DAB1: variants seen among roughly 807,000 people sequenced by gnomAD.
DAB1 encodes DAB adaptor protein 1.
In DAB1, 15 loss-of-function variants were observed where a neutral mutation model predicts 64.6. The observed-to-expected ratio is 0.23, with a 90% CI of 0.16 to 0.36. DAB1 has a LOEUF of 0.36. DAB1 is among the 10% of genes least tolerant of loss of function. DAB1 has a pLI of 1.00. For missense variants in DAB1, 596 were observed against 706.7 expected, an observed-to-expected ratio of 0.84 and a Z score of 1.78; for synonymous variants, 235 against 251.9, an observed-to-expected ratio of 0.93 and a Z score of 0.64.
chr1:58,460,926 C>T (rs1260094616), intron 3 of DAB1, among the ~76,000 whole-genome samples: 1 of 152,194 alleles, frequency 6.6e-6, no homozygotes, highest in Admixed American at 6.5e-5. Flanking sequence ...CCATGACACT[C>T]TCACTCCATG....
intron 3 of DAB1, among the ~76,000 whole-genome samples, chr1:58,427,060 G>A (rs529141116): frequency 6.6e-6 from 1 of 152,324 alleles, no homozygotes; most frequent in East Asian, 1.9e-4. Flanking sequence ...GAGCGGTCAA[G>A]AAGCTAGAGG....
At chr1:57,201,916 T>A (rs1665135288) in intron 2 of DAB1, among the ~76,000 whole-genome samples, 1 of 152,128 alleles carries the variant, frequency 6.6e-6, no homozygotes, top group Admixed American at 6.5e-5. Flanking sequence ...GAATTTTAAA[T>A]TTCTATAGCA....
At chr1:57,292,056 A>G (rs754579384) in intron 1 of DAB1, among the ~76,000 whole-genome samples, 47 of 152,320 alleles carry the variant, frequency 3.1e-4, no homozygotes, top group Non-Finnish European at 6.0e-4. Context: ...AAAAGTAAAC[A>G]TTTCACCAAT....
At chr1:57,444,708 G>C (rs778393539) in intron 7 of DAB1, among the ~76,000 whole-genome samples, 1 of 152,142 alleles carries the variant, frequency 6.6e-6, no homozygotes, top group African/African-American at 2.4e-5. Context: ...GAGTCGTATG[G>C]CCACAAACCA....
At chr1:57,495,556 C>T (rs1307341570) in intron 7 of DAB1, among the ~76,000 whole-genome samples, 5 of 152,012 alleles carry the variant, frequency 3.3e-5, no homozygotes, top group Non-Finnish European at 5.9e-5. Flanking sequence ...CAAGTGTGTC[C>T]GTATAGGTAA....
intron 3 of DAB1, among the ~76,000 whole-genome samples, chr1:58,343,808 A>C (rs1284783063): frequency 2.0e-5 from 3 of 152,210 alleles, no homozygotes; most frequent in Non-Finnish European, 4.4e-5. Flanking sequence ...TAATGATATG[A>C]AATGCTTTGT....
intron 5 of DAB1, among the ~76,000 whole-genome samples, chr1:58,138,185 A>C (rs1389689277): frequency 6.6e-6 from 1 of 152,178 alleles, no homozygotes; most frequent in African/African-American, 2.4e-5. Context: ...GGTAGACATC[A>C]ATAACTTCTA....
chr1:58,302,068 T>C lies in DAB1; in HGVS notation n.309+41284A>G, dbSNP rs190980637. Among the ~76,000 whole-genome samples, 7 of 152,088 alleles carry C rather than the reference T, an allele frequency of 4.6e-5. No homozygotes were observed. The East Asian group carries it at 1.2e-3, about 25-fold the overall frequency. On this transcript the variant is annotated intron_variant and non_coding_transcript_variant, in intron 4 of 20. Transcript: ENST00000485760. The stretch of plus-strand genomic sequence containing the variant: ...GCTTAATGATAGAGAAATTGTGGGG[T>C]GAGAGATGGGATCAGGGAATTTGGC...
intron 4 of DAB1, among the ~76,000 whole-genome samples, chr1:58,277,310 G>T (rs576533245): frequency 1.3e-5 from 2 of 152,176 alleles, no homozygotes; most frequent in African/African-American, 4.8e-5. Flanking sequence ...AAAGTGCTGG[G>T]ATTACAGGCG....
chr1:57,438,944 A>G (rs539822641), intron 7 of DAB1, among the ~76,000 whole-genome samples: 1 of 152,240 alleles, frequency 6.6e-6, no homozygotes, highest in South Asian at 2.1e-4. Context: ...CATTTGGGGA[A>G]GTATGTGATT....
At chr1:58,330,285 A>G (rs1472865771) in intron 4 of DAB1, among the ~76,000 whole-genome samples, 6 of 152,232 alleles carry the variant, frequency 3.9e-5, no homozygotes, top group Non-Finnish European at 8.8e-5. Flanking sequence ...CTCTTCCTCA[A>G]TTCTATGAAG....
At chr1:57,637,895 G>A (rs560287876) in intron 7 of DAB1, among the ~76,000 whole-genome samples, 2 of 152,146 alleles carry the variant, frequency 1.3e-5, no homozygotes, top group Non-Finnish European at 2.9e-5. Context: ...ATGACTAAAT[G>A]AATTATAGTG....
At chr1:57,607,730 A>T (rs1570669975) in intron 7 of DAB1, among the ~76,000 whole-genome samples, 1 of 152,096 alleles carries the variant, frequency 6.6e-6, no homozygotes, top group East Asian at 1.9e-4. Context: ...TTCTCCCATG[A>T]TGTCATTAAA....
chr1:57,466,513 A>G (rs930513083), intron 7 of DAB1, among the ~76,000 whole-genome samples: 1 of 152,220 alleles, frequency 6.6e-6, no homozygotes, highest in Non-Finnish European at 1.5e-5. Flanking sequence ...ATAAATACGT[A>G]TTAGTTTTCA....
chr1:57,543,924 T>G (rs1193472285), intron 7 of DAB1, among the ~76,000 whole-genome samples: 2 of 151,718 alleles, frequency 1.3e-5, no homozygotes, highest in African/African-American at 2.4e-5. Flanking sequence ...CTGGGCAACA[T>G]AGCAAGACCC....
chr1:57,008,612 T>C (rs568152390), intron 14 of DAB1, among the ~76,000 whole-genome samples: 3 of 152,220 alleles, frequency 2.0e-5, no homozygotes, highest in Non-Finnish European at 2.9e-5. Context: ...TAGAGAATAA[T>C]TATAAAATCA....
chr1:57,064,902 T>C (rs1650750103), intron 8 of DAB1, among the ~76,000 whole-genome samples: 1 of 152,182 alleles, frequency 6.6e-6, no homozygotes. Context: ...CCTCTAAGAA[T>C]GCCTACAGAG....
chr1:57,381,123 C>T (rs1214901639), intron 1 of DAB1, among the ~76,000 whole-genome samples: 1 of 152,110 alleles, frequency 6.6e-6, no homozygotes, highest in African/African-American at 2.4e-5. Context: ...AGGCTAATCA[C>T]CTGCAAAATT....
chr1:57,807,431 C>T (rs1651415945), intron 6 of DAB1, among the ~76,000 whole-genome samples: 1 of 152,176 alleles, frequency 6.6e-6, no homozygotes, highest in African/African-American at 2.4e-5. Context: ...ACAACTTTCC[C>T]CCAGGCCCCT....
Sources: gnomAD v4.1 joint callset for allele counts (sites outside exome capture counted in the v4.1 genomes callset) on GRCh38, gnomAD v4.1.1 for gene constraint, MANE v1.5 for transcripts, NCBI Gene and HGNC (gene_info 2026-07-23, HGNC 2026-07-21) for gene names.